The following ROBO2 variants were observed in gnomAD, a reference collection of about 807,000 sequenced individuals.
ROBO2 encodes roundabout homolog 2.
In ROBO2, 53 loss-of-function variants were observed where a neutral mutation model predicts 160.8. That is an observed-to-expected ratio of 0.33 (90% CI 0.26 to 0.41). The LOEUF (loss-of-function observed/expected upper bound fraction) is 0.41, where lower values mean the gene tolerates loss of function less well. ROBO2 is among the 10% of genes least tolerant of loss of function. ROBO2 has a pLI of 1.00. For synonymous variants in ROBO2, 664 were observed against 611.7 expected (o/e 1.09, Z -1.26); for missense variants, 1,577 against 1,722.4 (o/e 0.92, Z 1.49).
At chr3:76,446,069 G>T (rs1183080612) in intron 2 of ROBO2, among the ~76,000 whole-genome samples, 1 of 152,094 alleles carries the variant, frequency 6.6e-6, no homozygotes, top group Non-Finnish European at 1.5e-5. Flanking sequence ...GAAATAAATG[G>T]TATTCAATTA....
At chr3:76,930,065 C>G (rs893734299) in intron 2 of ROBO2, among the ~76,000 whole-genome samples, 1 of 152,046 alleles carries the variant, frequency 6.6e-6, no homozygotes, top group African/African-American at 2.4e-5. Flanking sequence ...GCTCTGTCAC[C>G]CGGGCTGGAG....
intron 2 of ROBO2, among the ~76,000 whole-genome samples, chr3:75,996,994 C>G (rs1226417004): frequency 6.6e-6 from 1 of 152,182 alleles, no homozygotes; most frequent in African/African-American, 2.4e-5. Flanking sequence ...CCTTCAGGCT[C>G]TACCTAAAAA....
At chr3:76,521,730 G>A (rs2081628128) in intron 2 of ROBO2, among the ~76,000 whole-genome samples, 1 of 152,004 alleles carries the variant, frequency 6.6e-6, no homozygotes, top group Non-Finnish European at 1.5e-5. Flanking sequence ...ATTTTCTTTT[G>A]TTCCTTGCCT....
intron 2 of ROBO2, among the ~76,000 whole-genome samples, chr3:76,295,906 T>A (rs1337044682): frequency 6.6e-6 from 1 of 152,182 alleles, no homozygotes; most frequent in Admixed American, 6.5e-5. Flanking sequence ...GAGAAGCTAG[T>A]ATAATACTGC....
intron 2 of ROBO2, among the ~76,000 whole-genome samples, chr3:77,421,526 T>G (rs1228896038): frequency 6.6e-6 from 1 of 152,132 alleles, no homozygotes; most frequent in African/African-American, 2.4e-5. Context: ...TATAACGCCA[T>G]AGAAATAAGT....
chr3:76,144,205 A>G (rs1461539372), intron 2 of ROBO2, among the ~76,000 whole-genome samples: 1 of 152,014 alleles, frequency 6.6e-6, no homozygotes. Flanking sequence ...ACACTCATGC[A>G]CACACACACA....
At chr3:76,150,295 A>G (rs1013596845) in intron 2 of ROBO2, among the ~76,000 whole-genome samples, 1 of 150,900 alleles carries the variant, frequency 6.6e-6, no homozygotes, top group Non-Finnish European at 1.5e-5. Flanking sequence ...TCTAAAACAC[A>G]CATCTGTCTA....
At chr3:77,282,068 T>C (rs1262117473) in intron 2 of ROBO2, among the ~76,000 whole-genome samples, 1 of 152,194 alleles carries the variant, frequency 6.6e-6, no homozygotes. Context: ...AAATGCTATG[T>C]AAATAGTTAA....
At chr3:77,108,823 T>C (rs2150159447) in intron 2 of ROBO2, among the ~76,000 whole-genome samples, 1 of 152,204 alleles carries the variant, frequency 6.6e-6, no homozygotes, top group Admixed American at 6.5e-5. Flanking sequence ...TGTAGGGTAG[T>C]AGAGGGAGAT....
chr3:76,309,430 G>A (rs943728145), intron 2 of ROBO2, among the ~76,000 whole-genome samples: 2 of 152,126 alleles, frequency 1.3e-5, no homozygotes, highest in Non-Finnish European at 2.9e-5. Context: ...CAATGTGAGA[G>A]TTTATTTTGT....
At chr3:76,772,338 T>C (rs2061956844) in intron 2 of ROBO2, among the ~76,000 whole-genome samples, 1 of 150,242 alleles carries the variant, frequency 6.7e-6, no homozygotes, top group African/African-American at 2.4e-5. Flanking sequence ...TAAATAATCA[T>C]GAACAGTAAG....
intron 2 of ROBO2, among the ~76,000 whole-genome samples, chr3:76,782,050 G>C (rs2062678969): frequency 6.6e-6 from 1 of 150,560 alleles, no homozygotes; most frequent in South Asian, 2.1e-4. Context: ...TATGTTATTG[G>C]TCTGTTCAGA....
chr3:76,218,340 G>A (rs564080025), intron 2 of ROBO2, among the ~76,000 whole-genome samples: 14 of 152,258 alleles, frequency 9.2e-5, no homozygotes, highest in African/African-American at 2.6e-4. Context: ...AGGAAATAAA[G>A]GGCATTCAAT....
chr3:77,184,935 G>A (rs578056061), intron 2 of ROBO2, among the ~76,000 whole-genome samples: 1 of 152,096 alleles, frequency 6.6e-6, no homozygotes, highest in Non-Finnish European at 1.5e-5. Flanking sequence ...ATCATAGATG[G>A]CATGTAGTAG....
chr3:77,488,264 C>T (rs1006708078), intron 4 of ROBO2, among the ~76,000 whole-genome samples: 3 of 152,076 alleles, frequency 2.0e-5, no homozygotes, highest in Non-Finnish European at 2.9e-5. Flanking sequence ...GATTCAAATC[C>T]TGTTAATCTC....
At chr3:76,214,789 C>T (rs1703391847) in intron 2 of ROBO2, among the ~76,000 whole-genome samples, 2 of 152,210 alleles carry the variant, frequency 1.3e-5, no homozygotes, top group South Asian at 4.1e-4. Flanking sequence ...TTAAATGTCT[C>T]TGTCTGACAG....
At chr3:76,152,649 C>A (rs1247345080) in intron 2 of ROBO2, among the ~76,000 whole-genome samples, 4 of 151,926 alleles carry the variant, frequency 2.6e-5, no homozygotes, top group Non-Finnish European at 2.9e-5. Context: ...TCATTTAAGC[C>A]CCCAGTGAAT....
intron 2 of ROBO2, among the ~76,000 whole-genome samples, chr3:76,733,154 A>C (rs1392492787): frequency 1.3e-5 from 2 of 152,160 alleles, no homozygotes; most frequent in Non-Finnish European, 2.9e-5. Flanking sequence ...TTTGAACATG[A>C]AAAAAATGTT....
At chr3:76,719,843 C>A (rs1271711078) in intron 2 of ROBO2, among the ~76,000 whole-genome samples, 1 of 150,216 alleles carries the variant, frequency 6.7e-6, no homozygotes, top group Non-Finnish European at 1.5e-5. Context: ...GAGATTGCGC[C>A]ACTGCACTCC....
Sources: allele counts gnomAD v4.1 joint callset (sites outside exome capture counted in the v4.1 genomes callset), GRCh38; gene constraint gnomAD v4.1.1; transcripts MANE v1.5; gene names NCBI Gene and HGNC (gene_info 2026-07-23, HGNC 2026-07-21).